VPS13A: variants seen among roughly 807,000 people sequenced by gnomAD.
The protein encoded by VPS13A is intermembrane lipid transfer protein VPS13A.
A neutral mutation model predicts 390.9 loss-of-function variants in VPS13A; 264 were observed. The ratio of observed to expected loss-of-function variants is 0.68; its 90% CI spans 0.61 to 0.75. The LOEUF (loss-of-function observed/expected upper bound fraction) is 0.75. Among genes scored for constraint, VPS13A ranks in the 30% least tolerant of loss-of-function variants. The probability of loss-of-function intolerance (pLI) is 0.00; values close to 1 mark genes in which losing one functional copy is unlikely to be tolerated. For synonymous variants in VPS13A, 1,231 were observed against 1,227.1 expected (o/e 1.00, Z -0.07); for missense variants, 3,409 against 3,733.9 (o/e 0.91, Z 2.27).
chr9:77,403,353 A>T (rs1834469179), intron 69 of VPS13A, 32 bp downstream of exon 69: 2 of 1,552,216 alleles, frequency 1.3e-6, no homozygotes, highest in Non-Finnish European at 1.8e-6. Flanking sequence ...ACGTAATTTT[A>T]TAAGGGGTTA....
chr9:77,414,613 T>C (rs1835087612), intron 71 of VPS13A, among the ~76,000 whole-genome samples: 1 of 151,830 alleles, frequency 6.6e-6, no homozygotes, highest in Non-Finnish European at 1.5e-5. Flanking sequence ...GGAGGAGGGA[T>C]AGCATTAGGA....
chr9:77,415,864 A>G, intron 71 of VPS13A, 92 bp from the exon 72 acceptor site: 4 of 1,488,498 alleles, frequency 2.7e-6, no homozygotes, highest in South Asian at 1.1e-5. Context: ...TAACTAAACT[A>G]TAAAGCTAAC....
chr9:77,289,322 T>G (rs769612007), intron 31 of VPS13A, among the ~76,000 whole-genome samples: 1 of 152,212 alleles, frequency 6.6e-6, no homozygotes, highest in African/African-American at 2.4e-5. Context: ...TTAGACTATT[T>G]TATAAAACTA....
At chr9:77,258,774 G>A (rs2150904) in intron 22 of VPS13A, among the ~76,000 whole-genome samples, 85,040 of 151,808 alleles carry the variant, frequency 0.56, 24,033 homozygotes, top group East Asian at 0.68. Context: ...TTAAAGATCT[G>A]TGCGATTTCT....
Position 77,315,296 on chromosome 9 carries a change from G to A in VPS13A, c.4456G>A (p.Asp1486Asn). 6.2e-7 allele frequency: 1 copy of A among 1,613,898 alleles called. No homozygotes were observed. The highest frequency in any genetic ancestry group is 8.5e-7 in the Non-Finnish European group (1 of 1,179,840). Residue 1486 changes from aspartate (D) to asparagine (N), a missense_variant, in exon 38 of 72, where the codon GAT becomes AAT. Around this residue, in one of 5 missense-constraint regions of VPS13A, gnomAD observed 2,717 missense variants for 2,917.4 expected, o/e 0.93. Transcript: ENST00000360280. Reference sequence around the variant, plus strand: ...TGGTTTTGACAAAAAAGACATGATGGATATAAAGTACAGGAAAGTCAGAGA... The same window carrying A: ...TGGTTTTGACAAAAAAGACATGATGAATATAAAGTACAGGAAAGTCAGAGA... Reference protein sequence around the residue: ...TVGFDKKDMMDIKYRKVRDGC... With the variant: ...TVGFDKKDMMNIKYRKVRDGC...
At chr9:77,283,311 A>G in intron 29 of VPS13A, 44 bp from the exon 30 acceptor site, 1 of 1,157,890 alleles carries the variant, frequency 8.6e-7, no homozygotes, top group East Asian at 2.3e-5. Flanking sequence ...GGTAACTACT[A>G]AATGTTTTTC....
chr9:77,389,042 A>G (rs991828764), intron 68 of VPS13A, among the ~76,000 whole-genome samples: 1 of 152,184 alleles, frequency 6.6e-6, no homozygotes, highest in Non-Finnish European at 1.5e-5. Context: ...TTCTACATTG[A>G]AGTATGCTCA....
chr9:77,370,818 T>C (rs2131588417), intron 65 of VPS13A, 72 bp from the exon 66 acceptor site: 1 of 1,588,460 alleles, frequency 6.3e-7, no homozygotes, highest in Admixed American at 1.7e-5. Flanking sequence ...GTATTTTTTG[T>C]GTAATCCAAA....
At chr9:77,319,520 G>C in intron 41 of VPS13A, 52 bp from the exon 42 acceptor site, 1 of 1,237,098 alleles carries the variant, frequency 8.1e-7, no homozygotes, top group East Asian at 2.4e-5. Flanking sequence ...TAAAAAACAT[G>C]GTGGGAAACA....
Position 77,279,466 on chromosome 9 carries a change from C to T in VPS13A, c.2825-693C>T, listed in dbSNP as rs370002024. On this transcript the variant is annotated intron_variant, in intron 26 of 71. Coordinates refer to ENST00000360280, the MANE Select transcript of VPS13A (RefSeq NM_033305.3). ...CTTCTCAATGCTCAGCTGCTTGTATCTGTGCCCACTAAGGCCTTGGGCTTA... is the reference window on the plus strand; with the variant it reads ...CTTCTCAATGCTCAGCTGCTTGTATTTGTGCCCACTAAGGCCTTGGGCTTA... Among the ~76,000 whole-genome samples, 33 of 152,184 alleles carry T rather than the reference C, an allele frequency of 2.2e-4. No homozygotes were observed. The South Asian group carries it at 6.2e-3, about 29-fold the overall frequency.
At chr9:77,197,757 T>C (rs1825087065) in intron 1 of VPS13A, among the ~76,000 whole-genome samples, 1 of 152,198 alleles carries the variant, frequency 6.6e-6, no homozygotes, top group Non-Finnish European at 1.5e-5. Flanking sequence ...AAGATAATTT[T>C]ATACAATATT....
At chr9:77,306,274 T>C (rs1293509303) in intron 34 of VPS13A, among the ~76,000 whole-genome samples, 1 of 152,154 alleles carries the variant, frequency 6.6e-6, no homozygotes, top group East Asian at 1.9e-4. Flanking sequence ...ATTCAAATTA[T>C]CTCCTTGGGG....
chr9:77,369,517 AAC>A, intron 63 of VPS13A, 105 bp downstream of exon 63: 1 of 816,208 alleles, frequency 1.2e-6, no homozygotes, highest in Non-Finnish European at 2.1e-6. Context: ...CAGATTTTGG[AAC>A]ACACACAAAA....
rs1296093799 is a variant in VPS13A, at chr9:77,419,535, G to T, written c.*3529G>T. On this transcript the variant is annotated 3_prime_UTR_variant, in exon 72 of 72. Coordinates refer to ENST00000360280, the MANE Select transcript of VPS13A (RefSeq NM_033305.3). The stretch of plus-strand genomic sequence containing the variant: ...GAGCAGCAGATCCACAACTCAGGAA[G>T]TCTAGAGATGCTTAGCACTTCTTCT... The T allele has an allele frequency of 6.6e-6, 1 of 152,214 alleles. No individual in the cohort carries two copies. Among genetic ancestry groups the T allele is most frequent in the Non-Finnish European group, 1.5e-5 (1 of 68,038 alleles). 9.4% of individuals were successfully genotyped at this position (152,214 alleles called of 1,614,324 possible). A position where few individuals can be genotyped will look rare whatever the true frequency, so the allele number is the denominator to read the frequency against.
Position 77,407,624 on chromosome 9 carries a change from T to C in VPS13A, c.9474+17T>C, listed in dbSNP as rs763665969. The C allele has an allele frequency of 1.9e-6, 3 of 1,579,446 alleles. No homozygotes were observed. Among genetic ancestry groups the C allele is most frequent in the Non-Finnish European group, 2.6e-6 (3 of 1,149,998 alleles). On this transcript the variant is annotated intron_variant, in intron 71 of 71. Transcript: ENST00000360280. ...GATGCCAGGGTAAATATAATAAATC[T>C]TTTATTTAAATAGGAGCTGCTCACT...
At chr9:77,216,558 A>G (rs1427325125) in intron 10 of VPS13A, among the ~76,000 whole-genome samples, 1 of 152,132 alleles carries the variant, frequency 6.6e-6, no homozygotes, top group Non-Finnish European at 1.5e-5. Context: ...GTTGTGAGAG[A>G]AGTCCTTATA....
In VPS13A at chr9:77,230,757, T is replaced by A. The variant is rs541999114; in HGVS notation, c.1595+2493T>A. Among the ~76,000 whole-genome samples the A allele has an allele frequency of 4.1e-4, 63 of 152,194 alleles. No homozygotes were observed. The East Asian group carries it at 0.011, about 27-fold the overall frequency. Reference sequence around the variant, plus strand: ...TATGTTGTCCATTTATGCAAAAAAATAAGCTCAGATTTGATAAAGATTGTG... The same window carrying A: ...TATGTTGTCCATTTATGCAAAAAAAAAAGCTCAGATTTGATAAAGATTGTG... On this transcript the variant is annotated intron_variant, in intron 17 of 71. Coordinates refer to ENST00000360280, the MANE Select transcript of VPS13A (RefSeq NM_033305.3).
At chr9:77,354,018 T>C (rs1187174183) in intron 54 of VPS13A, among the ~76,000 whole-genome samples, 1 of 152,112 alleles carries the variant, frequency 6.6e-6, no homozygotes, top group African/African-American at 2.4e-5. Flanking sequence ...CACTTTCTAA[T>C]TTGACCTTGG....
At chr9:77,241,095 A>T (rs1177458086) in intron 19 of VPS13A, among the ~76,000 whole-genome samples, 1 of 152,156 alleles carries the variant, frequency 6.6e-6, no homozygotes, top group Admixed American at 6.6e-5. Flanking sequence ...TCTATCTGGA[A>T]AATTCTTAGC....
Sources: gnomAD v4.1 joint callset for allele counts (sites outside exome capture counted in the v4.1 genomes callset) on GRCh38, gnomAD v4.1.1 for gene constraint, gnomAD v4.1.1 regional missense constraint, MANE v1.5 for transcripts, NCBI Gene and HGNC (gene_info 2026-07-23, HGNC 2026-07-21) for gene names.